Variants in STK32B observed in about 807,000 individuals in gnomAD.
STK32B encodes serine/threonine-protein kinase 32B.
Under a neutral mutation model 52.6 loss-of-function variants are expected in STK32B, and 43 were observed. The observed-to-expected ratio is 0.82, with a 90% CI of 0.64 to 1.05. STK32B has a LOEUF of 1.05. STK32B is among the 50% of genes least tolerant of loss of function. The probability of loss-of-function intolerance (pLI) is 0.00; values close to 1 mark genes in which losing one functional copy is unlikely to be tolerated. For missense variants in STK32B, 621 were observed against 534.6 expected (o/e 1.16, Z -1.59); for synonymous variants, 238 against 204.3 (o/e 1.17, Z -1.41).
chr4:5,235,551 G>T (rs1724568647), intron 3 of STK32B, among the ~76,000 whole-genome samples: 1 of 152,184 alleles, frequency 6.6e-6, no homozygotes, highest in African/African-American at 2.4e-5. Flanking sequence ...GAGGATTTCA[G>T]ATAATAGAAA....
chr4:5,334,688 G>C (rs9685034), intron 4 of STK32B, among the ~76,000 whole-genome samples: 37,754 of 125,944 alleles, frequency 0.3, 6,741 homozygotes, highest in African/African-American at 0.61. Context: ...TAGCCTGAAG[G>C]GTTGTTGAAT....
intron 2 of STK32B, among the ~76,000 whole-genome samples, chr4:5,155,240 C>T (rs2108711739): frequency 6.6e-6 from 1 of 152,304 alleles, no homozygotes; most frequent in South Asian, 2.1e-4. Context: ...TCCACCTCAA[C>T]CTTCCATATT....
chr4:5,043,856 G>T, the STK32B span, among the ~76,000 whole-genome samples: 1 of 152,222 alleles, frequency 6.6e-6, no homozygotes, highest in Admixed American at 6.5e-5. Context: ...GTCTTCTCGG[G>T]CTCCCAGCCC....
chr4:5,069,972 A>G (rs1711649814), intron 1 of STK32B, among the ~76,000 whole-genome samples: 1 of 152,186 alleles, frequency 6.6e-6, no homozygotes, highest in African/African-American at 2.4e-5. Context: ...TGGCTTCATC[A>G]TACAGTGTGC....
intron 9 of STK32B, among the ~76,000 whole-genome samples, chr4:5,465,646 ACT>A (rs1418499213): frequency 6.6e-6 from 1 of 152,084 alleles, no homozygotes; most frequent in Non-Finnish European, 1.5e-5. Flanking sequence ...CCCTCAACAA[ACT>A]CTGAGCCTGC....
intron 4 of STK32B, among the ~76,000 whole-genome samples, chr4:5,385,249 G>C (rs934818877): frequency 1.3e-5 from 2 of 152,076 alleles, no homozygotes; most frequent in African/African-American, 4.8e-5. Flanking sequence ...AGAGGGACCT[G>C]ATGCTGACTG....
rs1407797113 is a variant in STK32B at position 5,399,257 on chromosome 4, G to A, written c.472+1013G>A. ...AAGTAGGGATTCTCATCCCTGCTGA[G>A]GCCTTCAGGGATGAATGAGTCACAT... On this transcript the variant is annotated intron_variant, in intron 5 of 11. Coordinates refer to ENST00000282908, the MANE Select transcript of STK32B (RefSeq NM_018401.3). The surrounding 1 kb of genome is among the most constrained non-coding windows in gnomAD (Gnocchi z 5.4). 1.3e-5 allele frequency among the ~76,000 whole-genome samples: 2 copies of A among 152,170 alleles called. No individual in the cohort carries two copies. Among genetic ancestry groups the A allele is most frequent in the Non-Finnish European group, 2.9e-5 (2 of 68,032 alleles).
At chr4:5,252,459 C>G (rs1374030408) in intron 3 of STK32B, among the ~76,000 whole-genome samples, 1 of 152,182 alleles carries the variant, frequency 6.6e-6, no homozygotes, top group Non-Finnish European at 1.5e-5. Context: ...GAAATGATTG[C>G]CAGTGCTGCT....
intron 9 of STK32B, among the ~76,000 whole-genome samples, chr4:5,463,028 T>C (rs1180286857): frequency 6.6e-6 from 1 of 152,184 alleles, no homozygotes; most frequent in Non-Finnish European, 1.5e-5. Flanking sequence ...GGCTGCACCC[T>C]AGTTCTTCAC....
At chr4:5,138,409 A>G (rs1716207834) in intron 1 of STK32B, among the ~76,000 whole-genome samples, 1 of 152,006 alleles carries the variant, frequency 6.6e-6, no homozygotes. Flanking sequence ...TGTAAATAAC[A>G]TATCTTTTCT....
intron 6 of STK32B, among the ~76,000 whole-genome samples, chr4:5,419,939 T>G (rs897710993): frequency 3.3e-5 from 5 of 152,248 alleles, no homozygotes; most frequent in East Asian, 3.8e-4. Context: ...AACTTGTTTT[T>G]GGGTATTTAC....
chr4:5,281,249 A>G (rs899123395), intron 3 of STK32B, among the ~76,000 whole-genome samples: 1 of 152,194 alleles, frequency 6.6e-6, no homozygotes, highest in Non-Finnish European at 1.5e-5. Flanking sequence ...TTACAATTTG[A>G]CATGAGATTT....
chr4:5,149,948 A>C (rs1173754304), intron 2 of STK32B, among the ~76,000 whole-genome samples: 7 of 151,844 alleles, frequency 4.6e-5, no homozygotes, highest in Admixed American at 4.6e-4. Flanking sequence ...TATCTGAAAT[A>C]TATTTATTTC....
At chr4:5,333,767 G>C (rs1295646139) in intron 4 of STK32B, among the ~76,000 whole-genome samples, 1 of 152,034 alleles carries the variant, frequency 6.6e-6, no homozygotes, top group African/African-American at 2.4e-5. Flanking sequence ...TCTCAGGTTT[G>C]TCAAAGATCA....
intron 11 of STK32B, among the ~76,000 whole-genome samples, chr4:5,491,894 T>C (rs1028902717): frequency 3.3e-5 from 5 of 152,344 alleles, no homozygotes; most frequent in South Asian, 2.1e-4. Flanking sequence ...GTTGTAGATA[T>C]GCGGAGTTAT....
At chr4:5,122,257 CTCATTCAT>C (rs758454286) in intron 1 of STK32B, among the ~76,000 whole-genome samples, 2 of 152,018 alleles carry the variant, frequency 1.3e-5, no homozygotes, top group Non-Finnish European at 2.9e-5. Flanking sequence ...TACTCATTTA[CTCATTCAT>C]TCATTCATTC....
intron 4 of STK32B, among the ~76,000 whole-genome samples, chr4:5,341,680 G>T (rs1197546188): frequency 1.3e-5 from 2 of 152,162 alleles, no homozygotes; most frequent in African/African-American, 2.4e-5. Context: ...AAAGAAAAGA[G>T]GCTTAATTAG....
intron 3 of STK32B, among the ~76,000 whole-genome samples, chr4:5,190,866 A>G (rs1320953833): frequency 6.6e-6 from 1 of 152,146 alleles, no homozygotes; most frequent in Non-Finnish European, 1.5e-5. Context: ...ACTGAGGCTC[A>G]GAGAAGCTAA....
chr4:5,478,415 C>T (rs976066528), intron 11 of STK32B, among the ~76,000 whole-genome samples: 6 of 152,140 alleles, frequency 3.9e-5, no homozygotes, highest in African/African-American at 1.4e-4. Context: ...ACCAAAGACT[C>T]CCTCAAATGT....
Sources: allele counts gnomAD v4.1 joint callset (sites outside exome capture counted in the v4.1 genomes callset), GRCh38; gene constraint gnomAD v4.1.1; non-coding constraint Gnocchi (gnomAD v3.1); transcripts MANE v1.5; gene names NCBI Gene and HGNC (gene_info 2026-07-23, HGNC 2026-07-21).